MAP4K3: variants seen among roughly 807,000 people sequenced by gnomAD.
MAP4K3 encodes mitogen-activated protein kinase kinase kinase kinase 3, also known as MAPK/ERK kinase kinase kinase 3.
Under a neutral mutation model 143.5 loss-of-function variants are expected in MAP4K3, and 94 were observed. The ratio of observed to expected loss-of-function variants is 0.65; its 90% CI spans 0.55 to 0.78. The LOEUF (loss-of-function observed/expected upper bound fraction) is 0.78. Ranked by LOEUF, MAP4K3 falls within the 30% of genes least tolerant of loss-of-function variation. MAP4K3 has a pLI of 0.00. For missense variants in MAP4K3, 1,077 were observed against 1,068.1 expected, an observed-to-expected ratio of 1.01 and a Z score of -0.12; for synonymous variants, 416 against 347.2, an observed-to-expected ratio of 1.20 and a Z score of -2.20.
At chr2:39,380,724 T>A (rs570547402) in intron 1 of MAP4K3, among the ~76,000 whole-genome samples, 4 of 152,116 alleles carry the variant, frequency 2.6e-5, no homozygotes, top group African/African-American at 4.8e-5. Context: ...TCTGCAAGGG[T>A]ACAACACATC....
At chr2:39,297,632 T>C (rs1029030011) in intron 16 of MAP4K3, among the ~76,000 whole-genome samples, 1 of 152,192 alleles carries the variant, frequency 6.6e-6, no homozygotes, top group Non-Finnish European at 1.5e-5. Flanking sequence ...TCAATGGAAA[T>C]CTGTCTGCCT....
chr2:39,278,162 C>A (rs62138511), intron 24 of MAP4K3, among the ~76,000 whole-genome samples: 103,593 of 151,078 alleles, frequency 0.69, 39,609 homozygotes, highest in Non-Finnish European at 0.85. Context: ...CGTGCCTCTA[C>A]TCCCAGCTAC....
chr2:39,377,210 T>A (rs1295117251), intron 2 of MAP4K3, among the ~76,000 whole-genome samples: 4 of 149,568 alleles, frequency 2.7e-5, no homozygotes, highest in Non-Finnish European at 5.9e-5. Context: ...CCTTTTTTTT[T>A]TTTTTAAACA....
At chr2:39,414,055 T>G (rs1458187462) in intron 1 of MAP4K3, among the ~76,000 whole-genome samples, 1 of 152,194 alleles carries the variant, frequency 6.6e-6, no homozygotes, top group African/African-American at 2.4e-5. Context: ...ATTCTCATGG[T>G]CAGCTTTAAA....
chr2:39,402,073 G>C (rs1277649469), intron 1 of MAP4K3, among the ~76,000 whole-genome samples: 2 of 152,094 alleles, frequency 1.3e-5, no homozygotes, highest in African/African-American at 4.8e-5. Flanking sequence ...TGTGCAAGAA[G>C]TGAAGACTAA....
intron 19 of MAP4K3, among the ~76,000 whole-genome samples, 167 bp from the exon 20 acceptor site, chr2:39,288,447 T>C (rs1394772920): frequency 1.3e-5 from 2 of 152,208 alleles, no homozygotes; most frequent in African/African-American, 4.8e-5. Flanking sequence ...TCTTATTGTT[T>C]TAAATATATT....
At chr2:39,405,747 G>T (rs1451271816) in intron 1 of MAP4K3, among the ~76,000 whole-genome samples, 1 of 151,972 alleles carries the variant, frequency 6.6e-6, no homozygotes, top group East Asian at 1.9e-4. Context: ...GTGCACCTGT[G>T]GTCCCATCTA....
At chr2:39,263,563 GC>G (rs1465397807) in intron 28 of MAP4K3, among the ~76,000 whole-genome samples, 1 of 151,778 alleles carries the variant, frequency 6.6e-6, no homozygotes. Flanking sequence ...ACAAGCGTGA[GC>G]CACCGCGCCC....
At chr2:39,255,825 C>T (rs1291982360) in intron 31 of MAP4K3, among the ~76,000 whole-genome samples, 1 of 152,176 alleles carries the variant, frequency 6.6e-6, no homozygotes, top group East Asian at 1.9e-4. Flanking sequence ...CGCGCCTGGC[C>T]ATTCCATATG....
Position 39,326,160 on chromosome 2 carries a change from G to A in MAP4K3, c.648C>T (p.Asp216=). The A allele has an allele frequency of 3.1e-6, 5 of 1,613,560 alleles. No individual in the cohort carries two copies. Among genetic ancestry groups the A allele is most frequent in the Non-Finnish European group, 4.2e-6 (5 of 1,179,798 alleles). Residue 216 remains aspartate (D), a synonymous_variant, in exon 9 of 34, where the codon GAC becomes GAT. Transcript: ENST00000263881. ...ELAELQPPMF[D]LHPMRALFLM... ...GATGCACTGACCTCATTGGGTGTAA[G>A]TCAAACATAGGAGGCTGAAGCTCTG...
chr2:39,280,414 T>C (rs1681464649), intron 22 of MAP4K3, 58 bp from the exon 23 acceptor site: 1 of 969,030 alleles, frequency 1.0e-6, no homozygotes, highest in Admixed American at 1.9e-5. Context: ...CTTTAATATA[T>C]AAAATGTAAC....
intron 1 of MAP4K3, among the ~76,000 whole-genome samples, chr2:39,389,239 C>G (rs557605111): frequency 6.6e-5 from 10 of 152,012 alleles, no homozygotes; most frequent in African/African-American, 2.4e-4. Flanking sequence ...CTGGTGTACA[C>G]AGACATAAAA....
intron 5 of MAP4K3, 75 bp downstream of exon 5, chr2:39,337,451 C>G (rs1015870655): frequency 2.0e-6 from 2 of 1,024,844 alleles, no homozygotes; most frequent in Non-Finnish European, 3.0e-6. Context: ...TCTTACTTTG[C>G]TGAACAGGTA....
At chr2:39,295,911 G>A (rs1166156224) in intron 16 of MAP4K3, among the ~76,000 whole-genome samples, 1 of 151,990 alleles carries the variant, frequency 6.6e-6, no homozygotes, top group Admixed American at 6.6e-5. Context: ...TAAAGACTGA[G>A]TCTCACTATA....
chr2:39,407,352 G>GAAA (rs112820457), intron 1 of MAP4K3, among the ~76,000 whole-genome samples: 5 of 132,412 alleles, frequency 3.8e-5, no homozygotes, highest in Non-Finnish European at 8.2e-5. Flanking sequence ...CAACTTAAAG[G>GAAA]AAAAAAAAAA....
chr2:39,267,348 G>T, intron 26 of MAP4K3, 101 bp from the exon 27 acceptor site: 5 of 857,282 alleles, frequency 5.8e-6, no homozygotes, highest in Non-Finnish European at 9.7e-6. Context: ...GTTCAAAACT[G>T]GTGCTGACAT....
chr2:39,426,111 A>G (rs1004002870), intron 1 of MAP4K3, among the ~76,000 whole-genome samples: 2 of 152,196 alleles, frequency 1.3e-5, no homozygotes, highest in Non-Finnish European at 2.9e-5. Context: ...ATCAACATTA[A>G]TAAGGGGACT....
chr2:39,373,999 T>C (rs1226807806), intron 2 of MAP4K3, among the ~76,000 whole-genome samples: 1 of 152,220 alleles, frequency 6.6e-6, no homozygotes, highest in African/African-American at 2.4e-5. Context: ...ATACTTGAGA[T>C]GACAGATATC....
intron 16 of MAP4K3, among the ~76,000 whole-genome samples, chr2:39,295,622 C>A (rs1470990756): frequency 3.3e-5 from 5 of 150,428 alleles, no homozygotes; most frequent in African/African-American, 1.2e-4. Context: ...TGAGATATTT[C>A]TTTTTACAAT....
Sources: gnomAD v4.1 joint callset for allele counts (sites outside exome capture counted in the v4.1 genomes callset) on GRCh38, gnomAD v4.1.1 for gene constraint, MANE v1.5 for transcripts, NCBI Gene and HGNC (gene_info 2026-07-23, HGNC 2026-07-21) for gene names.